Variants in GRM8 observed in about 807,000 individuals in gnomAD.
GRM8 encodes the protein glutamate metabotropic receptor 8.
Under a neutral mutation model 87.2 loss-of-function variants are expected in GRM8, and 47 were observed. The observed-to-expected ratio is 0.54, with a 90% CI of 0.43 to 0.69. GRM8 has a LOEUF of 0.69. Among genes scored for constraint, GRM8 ranks in the 30% least tolerant of loss-of-function variants. The probability of loss-of-function intolerance (pLI) is 0.00; values close to 1 mark genes in which losing one functional copy is unlikely to be tolerated. For synonymous variants in GRM8, 396 were observed against 404.5 expected, an observed-to-expected ratio of 0.98 and a Z score of 0.25; for missense variants, 1,019 against 1,139.2, an observed-to-expected ratio of 0.89 and a Z score of 1.52.
chr7:126,471,591 T>C (rs569746620), intron 9 of GRM8, among the ~76,000 whole-genome samples: 1 of 152,040 alleles, frequency 6.6e-6, no homozygotes, highest in South Asian at 2.1e-4. Context: ...TTGGTTACTG[T>C]AGCCTTGTAG....
chr7:126,474,272 A>G (rs533613977), intron 9 of GRM8, among the ~76,000 whole-genome samples: 2 of 149,158 alleles, frequency 1.3e-5, no homozygotes, highest in East Asian at 3.9e-4. Flanking sequence ...GTGTGTGTAT[A>G]TATATATATA....
chr7:127,241,593 C>T (rs542180693), intron 2 of GRM8, among the ~76,000 whole-genome samples: 244 of 152,124 alleles, frequency 1.6e-3, no homozygotes, highest in Middle Eastern at 6.8e-3. Flanking sequence ...GCCACTATGC[C>T]GGGCTAATTT....
At chr7:126,659,228 C>A (rs1002396941) in intron 7 of GRM8, among the ~76,000 whole-genome samples, 1 of 152,100 alleles carries the variant, frequency 6.6e-6, no homozygotes, top group Admixed American at 6.6e-5. Flanking sequence ...CCACCCTGAC[C>A]GATCTCCTAC....
chr7:126,563,156 T>A (rs1402751315), intron 8 of GRM8, among the ~76,000 whole-genome samples: 1 of 152,172 alleles, frequency 6.6e-6, no homozygotes, highest in Non-Finnish European at 1.5e-5. Flanking sequence ...CATCTGGCCT[T>A]GTATAATACA....
chr7:126,611,137 T>C (rs945478131), intron 7 of GRM8, among the ~76,000 whole-genome samples: 2 of 152,196 alleles, frequency 1.3e-5, no homozygotes, highest in Non-Finnish European at 2.9e-5. Context: ...AGATGTACAT[T>C]ACTCAGGGAA....
chr7:126,869,639 T>C (rs1286597410), intron 6 of GRM8: 1 of 152,206 alleles, frequency 6.6e-6, no homozygotes, highest in Non-Finnish European at 1.5e-5. Flanking sequence ...ACATTGTCAA[T>C]GAGCAGTCAT....
At chr7:126,828,228 A>C (rs1795011630) in intron 6 of GRM8, among the ~76,000 whole-genome samples, 1 of 152,194 alleles carries the variant, frequency 6.6e-6, no homozygotes, top group Non-Finnish European at 1.5e-5. Context: ...TGGCCTCATA[A>C]AATGAGTTAG....
intron 2 of GRM8, among the ~76,000 whole-genome samples, chr7:127,234,181 C>T (rs1424363414): frequency 6.6e-6 from 1 of 152,192 alleles, no homozygotes; most frequent in Non-Finnish European, 1.5e-5. Context: ...AGACAAATTG[C>T]TGGTAGCTGA....
At chr7:127,100,374 T>A (rs915519759) in intron 3 of GRM8, among the ~76,000 whole-genome samples, 2 of 152,178 alleles carry the variant, frequency 1.3e-5, no homozygotes, top group African/African-American at 2.4e-5. Context: ...AATTGAAGTC[T>A]TCTTCAAAGG....
chr7:126,600,548 C>T (rs1221782491), intron 8 of GRM8, among the ~76,000 whole-genome samples: 1 of 152,154 alleles, frequency 6.6e-6, no homozygotes, highest in African/African-American at 2.4e-5. Context: ...ATAATCTGTA[C>T]ATGAGTGTAC....
At chr7:126,820,922 G>A (rs1011855498) in intron 6 of GRM8, among the ~76,000 whole-genome samples, 8 of 152,294 alleles carry the variant, frequency 5.3e-5, no homozygotes, top group African/African-American at 9.6e-5. Flanking sequence ...GCAAAATGGC[G>A]AAAGCCTGTC....
At chr7:126,537,238 T>C (rs577413675) in intron 8 of GRM8, among the ~76,000 whole-genome samples, 3 of 152,360 alleles carry the variant, frequency 2.0e-5, no homozygotes, top group African/African-American at 4.8e-5. Flanking sequence ...TGTAATGTTA[T>C]AGTTTACAGA....
intron 9 of GRM8, among the ~76,000 whole-genome samples, chr7:126,518,511 A>G (rs892667829): frequency 6.6e-6 from 1 of 152,084 alleles, no homozygotes; most frequent in Admixed American, 6.6e-5. Context: ...TGCCTAAGAT[A>G]GCTCATAAAA....
chr7:126,761,662 G>C (rs575555551), intron 7 of GRM8, among the ~76,000 whole-genome samples: 1 of 152,088 alleles, frequency 6.6e-6, no homozygotes, highest in South Asian at 2.1e-4. Flanking sequence ...AGCCAAACTC[G>C]GCACAGGTTT....
intron 2 of GRM8, among the ~76,000 whole-genome samples, chr7:127,142,568 AT>A (rs1828332510): frequency 6.6e-6 from 1 of 152,176 alleles, no homozygotes; most frequent in Admixed American, 6.5e-5. Flanking sequence ...CTTTTTATGA[AT>A]ATTTGAGAAT....
chr7:126,944,390 C>G (rs1807303380), intron 3 of GRM8, among the ~76,000 whole-genome samples: 1 of 152,164 alleles, frequency 6.6e-6, no homozygotes, highest in Admixed American at 6.5e-5. Flanking sequence ...GAGTCCTGGC[C>G]TTGGGCTGTG....
intron 7 of GRM8, among the ~76,000 whole-genome samples, chr7:126,683,067 CA>C (rs981859161): frequency 6.6e-6 from 1 of 151,528 alleles, no homozygotes. Context: ...CAAAACAAAA[CA>C]AAAAAAAGTG....
At chr7:127,084,863 T>G (rs1823302049) in intron 3 of GRM8, 1 of 152,236 alleles carries the variant, frequency 6.6e-6, no homozygotes, top group Non-Finnish European at 1.5e-5. Flanking sequence ...GTGCACAATG[T>G]GCAGGTTCAT....
At chr7:127,015,001 AAAGAAGAAGAAGAAGAAGAAGAAG>A (rs538403014) in intron 3 of GRM8, among the ~76,000 whole-genome samples, 195 of 59,698 alleles carry the variant, frequency 3.3e-3, no homozygotes, top group East Asian at 7.4e-3. Context: ...GAAGAAGAAG[AAAGAAGAAGAAGAAGAAGAAGAAG>A]AAGAAGAAGA....
Sources: allele counts gnomAD v4.1 joint callset (sites outside exome capture counted in the v4.1 genomes callset), GRCh38; gene constraint gnomAD v4.1.1; transcripts MANE v1.5; gene names NCBI Gene and HGNC (gene_info 2026-07-23, HGNC 2026-07-21).